Variants in NKAIN2 observed in about 807,000 individuals in gnomAD.
NKAIN2 encodes the protein sodium/potassium-transporting ATPase subunit beta-1-interacting protein 2.
NKAIN2 carries 14 observed loss-of-function variants against 32.6 expected under a neutral mutation model. The ratio of observed to expected loss-of-function variants is 0.43; its 90% CI spans 0.28 to 0.67. NKAIN2 has a LOEUF of 0.67. Among genes scored for constraint, NKAIN2 ranks in the 30% least tolerant of loss-of-function variants. The pLI, the probability that NKAIN2 is intolerant of heterozygous loss-of-function variation, is 0.17. For missense variants in NKAIN2, 198 were observed against 258.3 expected (o/e 0.77, Z 1.60); for synonymous variants, 80 against 87.2 (o/e 0.92, Z 0.46).
In NKAIN2 at chr6:124,823,333, A is replaced by G. The variant is rs1375482665; in HGVS notation, c.*104A>G. Reference sequence around the variant, plus strand: ...GCAAGAAGCAACTGAGTTTAAATACATACACGTATTAACAAAACAAATGCA... The same window carrying G: ...GCAAGAAGCAACTGAGTTTAAATACGTACACGTATTAACAAAACAAATGCA... On this transcript the variant is annotated 3_prime_UTR_variant, in exon 7 of 7. Coordinates refer to ENST00000368417, the MANE Select transcript of NKAIN2 (RefSeq NM_001040214.3). 2.5e-6 allele frequency: 2 copies of G among 815,336 alleles called. No homozygotes were observed. Among genetic ancestry groups the G allele is most frequent in the East Asian group, 4.8e-5 (2 of 41,286 alleles). 50.5% of individuals were successfully genotyped at this position (815,336 alleles called of 1,614,324 possible). A position where few individuals can be genotyped will look rare whatever the true frequency, so the allele number is the denominator to read the frequency against.
At chr6:124,725,854 C>T (rs947017975) in intron 4 of NKAIN2, among the ~76,000 whole-genome samples, 2 of 152,158 alleles carry the variant, frequency 1.3e-5, no homozygotes, top group Non-Finnish European at 2.9e-5. Context: ...GTGCATGCAC[C>T]GTGTGCAAGC....
At chr6:123,885,571 G>A (rs62436093) in intron 1 of NKAIN2, among the ~76,000 whole-genome samples, 23,549 of 151,980 alleles carry the variant, frequency 0.15, 1,974 homozygotes, top group Non-Finnish European at 0.18. Flanking sequence ...ATAGGAAAAT[G>A]ATCGTGGATA....
intron 3 of NKAIN2, among the ~76,000 whole-genome samples, chr6:124,569,232 T>G (rs1174691604): frequency 6.6e-6 from 1 of 152,238 alleles, no homozygotes; most frequent in African/African-American, 2.4e-5. Flanking sequence ...ACTAATTCCT[T>G]GTAAAATATC....
chr6:124,599,197 A>G (rs1266955366), intron 3 of NKAIN2, among the ~76,000 whole-genome samples: 1 of 152,026 alleles, frequency 6.6e-6, no homozygotes, highest in Admixed American at 6.6e-5. Context: ...TGGAAGTTTC[A>G]TCTTACTCTT....
At position 124,201,225 on chromosome 6, in the gene NKAIN2, C is replaced by T. The variant is rs1790573249; in HGVS notation, c.55-81780C>T. On this transcript the variant is annotated intron_variant, in intron 1 of 6. Transcript: ENST00000368417. The stretch of plus-strand genomic sequence containing the variant: ...ACTTACACACCATGCTGTTACCTCT[C>T]CATGGCATGTGGTGGGGGGGCGATG... Among the ~76,000 whole-genome samples the T allele has an allele frequency of 2.6e-5, 4 of 152,036 alleles. No homozygotes were observed. In the South Asian group the frequency reaches 8.3e-4, roughly 32 times the overall value.
At chr6:124,189,421 C>T (rs1161835117) in intron 1 of NKAIN2, among the ~76,000 whole-genome samples, 1 of 152,070 alleles carries the variant, frequency 6.6e-6, no homozygotes, top group Non-Finnish European at 1.5e-5. Flanking sequence ...AAAATGCAAG[C>T]CAGGTGCGGT....
chr6:124,679,561 T>C (rs1299559398), intron 4 of NKAIN2, among the ~76,000 whole-genome samples: 1 of 152,160 alleles, frequency 6.6e-6, no homozygotes, highest in Non-Finnish European at 1.5e-5. Context: ...TGCAATCACC[T>C]GGGGTTTAGC....
At chr6:124,123,701 T>C (rs570287782) in intron 1 of NKAIN2, among the ~76,000 whole-genome samples, 17 of 152,326 alleles carry the variant, frequency 1.1e-4, no homozygotes, top group African/African-American at 3.8e-4. Flanking sequence ...CTTTGTGGTC[T>C]TAGTTATGTT....
At chr6:124,371,111 G>A (rs752725982) in intron 3 of NKAIN2, among the ~76,000 whole-genome samples, 1 of 152,028 alleles carries the variant, frequency 6.6e-6, no homozygotes, top group African/African-American at 2.4e-5. Context: ...AGATAGCTGA[G>A]TTTAATATTG....
intron 1 of NKAIN2, among the ~76,000 whole-genome samples, chr6:124,224,620 A>T (rs1792011200): frequency 6.6e-6 from 1 of 152,062 alleles, no homozygotes. Context: ...TGAAAGAGAG[A>T]TGCCTCCCTT....
intron 2 of NKAIN2, among the ~76,000 whole-genome samples, chr6:124,304,847 G>A (rs188177433): frequency 1.3e-5 from 2 of 152,288 alleles, no homozygotes; most frequent in East Asian, 3.9e-4. Flanking sequence ...CCAGGAGGTG[G>A]AGACTGTAGT....
intron 4 of NKAIN2, among the ~76,000 whole-genome samples, chr6:124,716,134 G>A (rs1380358381): frequency 1.3e-5 from 2 of 152,160 alleles, no homozygotes; most frequent in Non-Finnish European, 2.9e-5. Flanking sequence ...AAAGAATTTG[G>A]AGACCTGTAT....
At chr6:124,246,910 C>T (rs1793436974) in intron 1 of NKAIN2, among the ~76,000 whole-genome samples, 1 of 151,942 alleles carries the variant, frequency 6.6e-6, no homozygotes, top group Non-Finnish European at 1.5e-5. Flanking sequence ...CACAGGTGTC[C>T]CACTGGGCTA....
At chr6:124,722,494 G>A (rs1776072501) in intron 4 of NKAIN2, among the ~76,000 whole-genome samples, 2 of 152,212 alleles carry the variant, frequency 1.3e-5, no homozygotes, top group Admixed American at 1.3e-4. Context: ...GTTTGGGGAT[G>A]CAACTGTTCC....
At chr6:124,333,138 C>G (rs1222176216) in intron 2 of NKAIN2, among the ~76,000 whole-genome samples, 1 of 152,074 alleles carries the variant, frequency 6.6e-6, no homozygotes, top group African/African-American at 2.4e-5. Context: ...TCTATTAAAT[C>G]CAGTCCACTC....
intron 1 of NKAIN2, among the ~76,000 whole-genome samples, chr6:124,135,834 A>G (rs1006621974): frequency 6.6e-6 from 1 of 152,110 alleles, no homozygotes; most frequent in African/African-American, 2.4e-5. Context: ...TGCACAGAAC[A>G]GTAATAGTGA....
chr6:124,056,889 A>T (rs1459741532), intron 1 of NKAIN2, among the ~76,000 whole-genome samples: 2 of 152,024 alleles, frequency 1.3e-5, no homozygotes, highest in Non-Finnish European at 2.9e-5. Context: ...ATCTGTAAGG[A>T]GTTTCCTGGA....
At chr6:123,859,264 G>A (rs1454718372) in intron 1 of NKAIN2, among the ~76,000 whole-genome samples, 1 of 152,010 alleles carries the variant, frequency 6.6e-6, no homozygotes, top group Admixed American at 6.5e-5. Context: ...CATATAGATA[G>A]ACTGTATGGA....
intron 1 of NKAIN2, among the ~76,000 whole-genome samples, chr6:124,034,364 A>T (rs558331124): frequency 1.3e-5 from 2 of 152,044 alleles, no homozygotes; most frequent in Non-Finnish European, 2.9e-5. Context: ...AAGTGAGAAC[A>T]TGTGGTATTT....
Sources: allele counts gnomAD v4.1 joint callset (sites outside exome capture counted in the v4.1 genomes callset), GRCh38; gene constraint gnomAD v4.1.1; transcripts MANE v1.5; gene names NCBI Gene and HGNC (gene_info 2026-07-23, HGNC 2026-07-21).